The following UBE3D variants were observed in gnomAD, a reference collection of about 807,000 sequenced individuals.
UBE3D encodes the protein E3 ubiquitin-protein ligase E3D.
UBE3D carries 48 observed loss-of-function variants against 49.6 expected under a neutral mutation model. The ratio of observed to expected loss-of-function variants is 0.97; its 90% CI spans 0.77 to 1.23. The LOEUF is 1.23. Ranked by LOEUF, UBE3D falls within the 50% of genes most tolerant of loss-of-function variation. The probability of loss-of-function intolerance (pLI) is 0.00; values close to 1 mark genes in which losing one functional copy is unlikely to be tolerated. For synonymous variants in UBE3D, 189 were observed against 174.2 expected, an observed-to-expected ratio of 1.08 and a Z score of -0.67; for missense variants, 452 against 468.4, an observed-to-expected ratio of 0.96 and a Z score of 0.32.
chr6:83,025,841 C>T (rs1445254226), intron 5 of UBE3D, among the ~76,000 whole-genome samples: 1 of 144,758 alleles, frequency 6.9e-6, no homozygotes, highest in Non-Finnish European at 1.5e-5. Flanking sequence ...CGAGATCGTG[C>T]CACTGCACTC....
At chr6:82,901,208 T>G (rs1438662181) in intron 9 of UBE3D, among the ~76,000 whole-genome samples, 3 of 152,096 alleles carry the variant, frequency 2.0e-5, no homozygotes, top group Non-Finnish European at 2.9e-5. Context: ...TCAAATAATA[T>G]TATTCTAGGA....
Position 82,989,453 on chromosome 6 carries a change from T to C in UBE3D, c.1010+29520A>G, listed in dbSNP as rs544775009. Among the ~76,000 whole-genome samples the C allele has an allele frequency of 5.3e-5, 8 of 152,112 alleles. No homozygotes were observed. The East Asian group carries it at 1.4e-3, about 26-fold the overall frequency. On this transcript the variant is annotated intron_variant, in intron 8 of 9. Coordinates refer to ENST00000369747, the MANE Select transcript of UBE3D (RefSeq NM_198920.3). Reference sequence around the variant, plus strand: ...TTATGCAACAAGAGTGCCAAACTCATCTCAATATTCAGAAGTAAAGGTCAG... The same window carrying C: ...TTATGCAACAAGAGTGCCAAACTCACCTCAATATTCAGAAGTAAAGGTCAG...
chr6:82,937,937 G>C (rs1461631145), intron 9 of UBE3D, among the ~76,000 whole-genome samples: 3 of 152,148 alleles, frequency 2.0e-5, no homozygotes, highest in Non-Finnish European at 4.4e-5. Context: ...CAGCTGTTAG[G>C]GAGGTCTTAC....
intron 8 of UBE3D, among the ~76,000 whole-genome samples, chr6:83,008,420 T>C (rs1417202697): frequency 6.6e-6 from 1 of 152,196 alleles, no homozygotes; most frequent in Non-Finnish European, 1.5e-5. Context: ...AATAAATTAT[T>C]TCCCCAATAC....
intron 3 of UBE3D, among the ~76,000 whole-genome samples, chr6:83,052,490 T>C (rs1224194217): frequency 2.0e-5 from 3 of 152,036 alleles, no homozygotes; most frequent in African/African-American, 4.8e-5. Flanking sequence ...GAAGTTCAGG[T>C]AGGAGCCAAC....
chr6:83,007,039 A>G (rs1389446620), intron 8 of UBE3D, among the ~76,000 whole-genome samples: 1 of 152,216 alleles, frequency 6.6e-6, no homozygotes, highest in African/African-American at 2.4e-5. Context: ...ACTATGAAAT[A>G]TATATGGGTG....
chr6:83,038,077 A>T (rs1344281395), intron 5 of UBE3D: 1 of 160,604 alleles, frequency 6.2e-6, no homozygotes, highest in Non-Finnish European at 1.3e-5. Context: ...AAGAAGAAGA[A>T]GAAAGAAGGA....
chr6:82,983,785 A>T (rs1012068991), intron 8 of UBE3D, among the ~76,000 whole-genome samples: 1 of 152,174 alleles, frequency 6.6e-6, no homozygotes, highest in Non-Finnish European at 1.5e-5. Context: ...TTATGAAAAA[A>T]GTTTTAAGAT....
At chr6:82,944,919 T>A (rs1486096127) in intron 9 of UBE3D, among the ~76,000 whole-genome samples, 1 of 152,210 alleles carries the variant, frequency 6.6e-6, no homozygotes, top group Non-Finnish European at 1.5e-5. Flanking sequence ...CTGTTTATCA[T>A]GGTTCAAGGA....
chr6:82,982,333 G>A (rs1778170029), intron 8 of UBE3D, among the ~76,000 whole-genome samples: 1 of 151,898 alleles, frequency 6.6e-6, no homozygotes, highest in Non-Finnish European at 1.5e-5. Context: ...CAATAACTTT[G>A]GTCTCATCAA....
chr6:82,969,935 C>CA (rs1227942323), intron 8 of UBE3D, among the ~76,000 whole-genome samples: 1 of 151,342 alleles, frequency 6.6e-6, no homozygotes, highest in African/African-American at 2.4e-5. Flanking sequence ...CTAATGTAAT[C>CA]AAGTCAAAAT....
At chr6:83,048,414 T>C (rs961654030) in intron 3 of UBE3D, among the ~76,000 whole-genome samples, 2 of 152,214 alleles carry the variant, frequency 1.3e-5, no homozygotes, top group African/African-American at 2.4e-5. Flanking sequence ...AATAGGTTCC[T>C]GGACTTTCTC....
chr6:82,940,391 A>G (rs1774923030), intron 9 of UBE3D, among the ~76,000 whole-genome samples: 1 of 152,248 alleles, frequency 6.6e-6, no homozygotes, highest in Non-Finnish European at 1.5e-5. Flanking sequence ...GACAGTAATC[A>G]CTACCTTTGA....
At chr6:82,993,838 G>T (rs1411786041) in intron 8 of UBE3D, among the ~76,000 whole-genome samples, 2 of 152,194 alleles carry the variant, frequency 1.3e-5, no homozygotes, top group Non-Finnish European at 2.9e-5. Flanking sequence ...TATCAAAAGT[G>T]TATTCTCTGG....
At chr6:82,884,639 T>A in the UBE3D span, among the ~76,000 whole-genome samples, 1 of 152,178 alleles carries the variant, frequency 6.6e-6, no homozygotes, top group African/African-American at 2.4e-5. Flanking sequence ...TAAATAGAAA[T>A]AAAAGTGCTC....
chr6:83,033,328 T>C (rs1030467295), intron 5 of UBE3D, among the ~76,000 whole-genome samples: 3 of 152,194 alleles, frequency 2.0e-5, no homozygotes, highest in African/African-American at 7.2e-5. Context: ...TTTATTATTG[T>C]AAATTGGGGA....
At chr6:82,883,469 A>T in the UBE3D span, among the ~76,000 whole-genome samples, 1 of 152,212 alleles carries the variant, frequency 6.6e-6, no homozygotes, top group Non-Finnish European at 1.5e-5. Flanking sequence ...GCACAGGATT[A>T]AGAAGATGAA....
intron 8 of UBE3D, among the ~76,000 whole-genome samples, chr6:82,967,288 T>C (rs1357023941): frequency 6.6e-6 from 1 of 152,232 alleles, no homozygotes; most frequent in Non-Finnish European, 1.5e-5. Flanking sequence ...ACCAACCTTT[T>C]TTAAACCTCA....
At position 83,054,365 on chromosome 6, in the gene UBE3D, T is replaced by C; in HGVS notation, c.275-127A>G. 3 of 668,606 alleles carry C rather than the reference T, an allele frequency of 4.5e-6. No homozygotes were observed. In the South Asian group the frequency reaches 5.2e-5, roughly 12 times the overall value. The allele number at this position is 668,606 out of a possible 1,614,324, so 41.4% of individuals were successfully genotyped here. Reference sequence around the variant, plus strand: ...TTTATGATCCACCCAGAAGTACACATTTAATTAATACTATCTGATGACTCA... The same window carrying C: ...TTTATGATCCACCCAGAAGTACACACTTAATTAATACTATCTGATGACTCA... On this transcript the variant is annotated intron_variant, in intron 2 of 9. Coordinates refer to ENST00000369747, the MANE Select transcript of UBE3D (RefSeq NM_198920.3).
Sources: allele counts gnomAD v4.1 joint callset (sites outside exome capture counted in the v4.1 genomes callset), GRCh38; gene constraint gnomAD v4.1.1; transcripts MANE v1.5; gene names NCBI Gene and HGNC (gene_info 2026-07-23, HGNC 2026-07-21).